SGCD: variants seen among roughly 807,000 people sequenced by gnomAD.
The protein encoded by SGCD is sarcoglycan delta.
Under a neutral mutation model 36.6 loss-of-function variants are expected in SGCD, and 18 were observed. The ratio of observed to expected loss-of-function variants is 0.49; its 90% CI spans 0.34 to 0.73. The LOEUF is 0.73. SGCD is among the 30% of genes least tolerant of loss of function. The pLI is 0.01. For synonymous variants in SGCD, 133 were observed against 130.6 expected, an observed-to-expected ratio of 1.02 and a Z score of -0.12; for missense variants, 387 against 346.7, an observed-to-expected ratio of 1.12 and a Z score of -0.92.
intron 3 of SGCD, among the ~76,000 whole-genome samples, chr5:156,486,419 G>A (rs1367708128): frequency 3.9e-5 from 6 of 152,148 alleles, no homozygotes. Flanking sequence ...TCCTGCAGTA[G>A]CAGAGCTGTT....
chr5:156,181,472 A>T (rs1191514277), intron 3 of SGCD, among the ~76,000 whole-genome samples: 1 of 152,180 alleles, frequency 6.6e-6, no homozygotes, highest in Non-Finnish European at 1.5e-5. Flanking sequence ...TTATTAAACT[A>T]AGGAGAAGGG....
At chr5:156,720,745 A>C (rs1581462416) in intron 7 of SGCD, among the ~76,000 whole-genome samples, 2 of 152,336 alleles carry the variant, frequency 1.3e-5, no homozygotes, top group Middle Eastern at 6.8e-3. Flanking sequence ...TAATTCACTC[A>C]AAGTTACCTT....
intron 7 of SGCD, among the ~76,000 whole-genome samples, chr5:156,699,096 A>T (rs1754431576): frequency 6.6e-6 from 1 of 152,200 alleles, no homozygotes; most frequent in Admixed American, 6.5e-5. Context: ...CCTGGATTTG[A>T]AATTAAACAT....
chr5:156,396,109 G>T (rs1372115807), intron 3 of SGCD, among the ~76,000 whole-genome samples: 1 of 152,174 alleles, frequency 6.6e-6, no homozygotes, highest in African/African-American at 2.4e-5. Context: ...GTAAGCCCCG[G>T]AGGAGTTGTG....
chr5:155,803,972 A>C, the SGCD span, among the ~76,000 whole-genome samples: 1 of 152,184 alleles, frequency 6.6e-6, no homozygotes, highest in Non-Finnish European at 1.5e-5. Context: ...AGTCATCTGA[A>C]ATAGAAAGGA....
At chr5:156,584,150 T>C (rs1760395829) in intron 4 of SGCD, among the ~76,000 whole-genome samples, 1 of 152,190 alleles carries the variant, frequency 6.6e-6, no homozygotes, top group African/African-American at 2.4e-5. Flanking sequence ...AGCATCAAAC[T>C]CCAAGCACAT....
At chr5:156,349,430 G>A (rs1384255366) in intron 3 of SGCD, among the ~76,000 whole-genome samples, 1 of 151,660 alleles carries the variant, frequency 6.6e-6, no homozygotes, top group Admixed American at 6.6e-5. Context: ...TTAAAAAGTG[G>A]GCAAATGGCA....
At chr5:156,682,648 G>A (rs540109993) in intron 7 of SGCD, among the ~76,000 whole-genome samples, 1 of 152,224 alleles carries the variant, frequency 6.6e-6, no homozygotes, top group East Asian at 1.9e-4. Context: ...TAAGTAGAAA[G>A]CTGATTGGAA....
At chr5:156,617,005 C>T (rs1762046031) in intron 6 of SGCD, among the ~76,000 whole-genome samples, 1 of 152,156 alleles carries the variant, frequency 6.6e-6, no homozygotes, top group Non-Finnish European at 1.5e-5. Flanking sequence ...CTGATCTGTG[C>T]CTCCATTCTG....
chr5:155,730,650 C>G, the SGCD span, among the ~76,000 whole-genome samples: 1 of 152,130 alleles, frequency 6.6e-6, no homozygotes, highest in Non-Finnish European at 1.5e-5. Flanking sequence ...ACATCGCTGC[C>G]GACCTACTGT....
At chr5:155,798,129 A>G in the SGCD span, among the ~76,000 whole-genome samples, 1 of 152,188 alleles carries the variant, frequency 6.6e-6, no homozygotes, top group South Asian at 2.1e-4. Flanking sequence ...TTTCCTGCCT[A>G]TAAACCACAC....
chr5:156,089,951 C>T (rs1319755873), intron 1 of SGCD, among the ~76,000 whole-genome samples: 1 of 152,002 alleles, frequency 6.6e-6, no homozygotes, highest in Non-Finnish European at 1.5e-5. Flanking sequence ...TTACTAAAGC[C>T]CCAGACCCTG....
the SGCD span, among the ~76,000 whole-genome samples, chr5:155,732,930 G>A: frequency 2.6e-5 from 4 of 151,588 alleles, no homozygotes; most frequent in African/African-American, 4.8e-5. Context: ...CCACTGATAT[G>A]CAAGGAAACA....
intron 4 of SGCD, among the ~76,000 whole-genome samples, chr5:156,571,750 T>G (rs1258365306): frequency 1.3e-5 from 2 of 152,270 alleles, no homozygotes; most frequent in Admixed American, 1.3e-4. Context: ...ACTGTTTTAC[T>G]GTGGTAAAAT....
chr5:156,350,929 G>T (rs1769218495), intron 3 of SGCD, among the ~76,000 whole-genome samples: 1 of 152,138 alleles, frequency 6.6e-6, no homozygotes, highest in Non-Finnish European at 1.5e-5. Flanking sequence ...TAAAACGCTG[G>T]TGTTTGACTT....
At chr5:156,082,753 C>T (rs1323465068) in intron 1 of SGCD, among the ~76,000 whole-genome samples, 6 of 152,120 alleles carry the variant, frequency 3.9e-5, no homozygotes, top group Admixed American at 6.5e-5. Flanking sequence ...ACATCAGGAT[C>T]GCATAAATTG....
At chr5:155,750,422 A>G in the SGCD span, among the ~76,000 whole-genome samples, 2 of 152,174 alleles carry the variant, frequency 1.3e-5, no homozygotes, top group Non-Finnish European at 2.9e-5. Context: ...TTCCGTATAT[A>G]ATTTTCCCTT....
chr5:155,942,184 G>C (rs1757338362), intron 1 of SGCD, among the ~76,000 whole-genome samples: 1 of 152,180 alleles, frequency 6.6e-6, no homozygotes, highest in Non-Finnish European at 1.5e-5. Flanking sequence ...ATGGAGACTG[G>C]ACAAAAGCAA....
At chr5:156,756,195 G>A (rs548142658) in intron 7 of SGCD, among the ~76,000 whole-genome samples, 5 of 152,168 alleles carry the variant, frequency 3.3e-5, no homozygotes, top group Non-Finnish European at 5.9e-5. Flanking sequence ...CCGTTCCTAC[G>A]TTAGGATACT....
Sources: allele counts gnomAD v4.1 joint callset (sites outside exome capture counted in the v4.1 genomes callset), GRCh38; gene constraint gnomAD v4.1.1; transcripts MANE v1.5; gene names NCBI Gene and HGNC (gene_info 2026-07-23, HGNC 2026-07-21).